The following NCKIPSD variants were observed in gnomAD, a reference collection of about 807,000 sequenced individuals.
NCKIPSD encodes NCK-interacting protein with SH3 domain.
A neutral mutation model predicts 73.4 loss-of-function variants in NCKIPSD; 48 were observed. The ratio of observed to expected loss-of-function variants is 0.65; its 90% CI spans 0.52 to 0.83. NCKIPSD has a LOEUF of 0.83. Among genes scored for constraint, NCKIPSD ranks in the 40% least tolerant of loss-of-function variants. The pLI is 0.00. For synonymous variants in NCKIPSD, 422 were observed against 403.6 expected, an observed-to-expected ratio of 1.05 and a Z score of -0.54; for missense variants, 884 against 970.2, an observed-to-expected ratio of 0.91 and a Z score of 1.18.
In NCKIPSD at chr3:48,674,661, C is replaced by T; in HGVS notation, c.2052G>A (p.Gln684=). Residue 684 remains glutamine (Q), a synonymous_variant, in exon 13 of 13, where the codon CAG becomes CAA. Coordinates refer to ENST00000294129, the MANE Select transcript of NCKIPSD (RefSeq NM_016453.4). The part of the protein sequence containing the change: ...LQHRHRLPDL[Q]AILRRILNEE... ...CATTCAGGATGCGTCGCAGTATGGC[C>T]TGCAGGTCGGGTAGCCGGTGGCGGT... 2 of 1,614,048 alleles carry T rather than the reference C, an allele frequency of 1.2e-6. No homozygotes were observed. Among genetic ancestry groups the T allele is most frequent in the South Asian group, 2.2e-5 (2 of 91,062 alleles).
At chr3:48,675,637 A>C (rs1296406227) in intron 12 of NCKIPSD, among the ~76,000 whole-genome samples, 2 of 150,046 alleles carry the variant, frequency 1.3e-5, no homozygotes, top group East Asian at 3.9e-4. Flanking sequence ...TGACTCCTGG[A>C]TTCAAGTGAT....
chr3:48,674,058 T>G lies in NCKIPSD; in HGVS notation c.*486A>C. The G allele has an allele frequency of 9.3e-7, 1 of 1,073,704 alleles. No individual in the cohort carries two copies. Among genetic ancestry groups the G allele is most frequent in the Non-Finnish European group, 1.1e-6 (1 of 883,954 alleles). 66.5% of individuals were successfully genotyped at this position (1,073,704 alleles called of 1,614,324 possible). A position where few individuals can be genotyped will look rare whatever the true frequency, so the allele number is the denominator to read the frequency against. Reference sequence around the variant, plus strand: ...TGGCCAAGGCCTCTGGGGGTAGGAGTGAAGGGCAGCGACCCCCATGTGCGG... The same window carrying G: ...TGGCCAAGGCCTCTGGGGGTAGGAGGGAAGGGCAGCGACCCCCATGTGCGG... On this transcript the variant is annotated 3_prime_UTR_variant, in exon 13 of 13. Coordinates refer to ENST00000294129, the MANE Select transcript of NCKIPSD (RefSeq NM_016453.4).
chr3:48,682,275 G>A, intron 3 of NCKIPSD, 73 bp downstream of exon 3: 3 of 1,592,992 alleles, frequency 1.9e-6, no homozygotes, highest in South Asian at 1.1e-5. Context: ...ACTCCTGAGT[G>A]GACCCCTTGA....
At position 48,680,201 on chromosome 3, in the gene NCKIPSD, T is replaced by C. The variant is rs1387190483; in HGVS notation, c.1121A>G (p.Gln374Arg). The C allele has an allele frequency of 6.2e-7, 1 of 1,613,156 alleles. No individual in the cohort carries two copies. The highest frequency in any genetic ancestry group is 1.3e-5 in the African/African-American group (1 of 74,930). The change falls in exon 6 of 13, where the codon CAG (glutamine) becomes CGG (arginine). Residue 374 changes from glutamine to arginine, a missense_variant. Gln to Arg is a conservative substitution (Grantham distance 43). Transcript: ENST00000294129. Reference protein sequence around the residue: ...KDLSMALPSGQVCHDQQRLEV... With the variant: ...KDLSMALPSGRVCHDQQRLEV... Reference sequence around the variant, plus strand: ...CAGCCTCTGCTGGTCGTGGCAGACCTGCCCTGAGGGCAGGGCCATGCTGAG... The same window carrying C: ...CAGCCTCTGCTGGTCGTGGCAGACCCGCCCTGAGGGCAGGGCCATGCTGAG...
chr3:48,678,603 G>A lies in NCKIPSD; in HGVS notation c.1926C>T (p.Ile642=). 6.2e-7 allele frequency: 1 copy of A among 1,614,098 alleles called. No individual in the cohort carries two copies. The highest frequency in any genetic ancestry group is 1.3e-5 in the African/African-American group (1 of 75,076). The change falls in exon 12 of 13, where the codon ATC becomes ATT. Residue 642 remains isoleucine, a synonymous_variant. Transcript: ENST00000294129. ...ACAGGTCTGCGATGTGCCGCACAGT[G>A]ATGTCAATGAGAGCCATCATGTCTG... ...YHTDMMALID[I]TVRHIADLSP... is the part of the protein sequence containing the mutation.
At chr3:48,676,072 G>C (rs2106743686) in intron 12 of NCKIPSD, among the ~76,000 whole-genome samples, 1 of 152,304 alleles carries the variant, frequency 6.6e-6, no homozygotes, top group African/African-American at 2.4e-5. Flanking sequence ...AGAGCCATGT[G>C]CAGGCCTGAA....
chr3:48,685,452 C>G (rs2077421885), intron 1 of NCKIPSD, among the ~76,000 whole-genome samples, 185 bp downstream of exon 1: 2 of 151,992 alleles, frequency 1.3e-5, no homozygotes, highest in African/African-American at 4.8e-5. Context: ...GTGGGTGATG[C>G]TGACACTTGG....
Position 48,685,672 on chromosome 3 carries a change from C to T in NCKIPSD, c.136G>A (p.Gly46Ser). 1 of 1,525,908 alleles carries T rather than the reference C, an allele frequency of 6.6e-7. No individual in the cohort carries two copies. Among genetic ancestry groups the T allele is most frequent in the Non-Finnish European group, 8.8e-7 (1 of 1,142,586 alleles). 94.5% of individuals were successfully genotyped at this position (1,525,908 alleles called of 1,614,324 possible). Reference protein sequence around the residue: ...LAARARSGETGYVPPAYLRRL... With the variant: ...LAARARSGETSYVPPAYLRRL... ...CGCAGGTAGGCTGGCGGCACGTAGC[C>T]CGTCTCACCACTGCGCGCCCGCGCG... Residue 46 changes from glycine (G) to serine (S), a missense_variant, in exon 1 of 13, where the codon GGC (glycine) becomes AGC (serine). Transcript: ENST00000294129.
At chr3:48,678,085 A>C (rs1284860263) in intron 12 of NCKIPSD, among the ~76,000 whole-genome samples, 1 of 152,162 alleles carries the variant, frequency 6.6e-6, no homozygotes, top group African/African-American at 2.4e-5. Flanking sequence ...TCAAGTGGCA[A>C]GCCCTGCCAG....
rs2077215858 is a variant in NCKIPSD at position 48,674,173 on chromosome 3, G to A, written c.*371C>T. On this transcript the variant is annotated 3_prime_UTR_variant, in exon 13 of 13. Transcript: ENST00000294129. ...ATGCCTCCCCTCACCCCAGGGGCAT[G>A]GCTTGCTGAGGCCCAGGATACAGAC... is the stretch of plus-strand genomic sequence containing the variant. 5 of 1,175,450 alleles carry A rather than the reference G, an allele frequency of 4.3e-6. No individual in the cohort carries two copies. Among genetic ancestry groups the A allele is most frequent in the Non-Finnish European group, 5.3e-6 (5 of 944,390 alleles). The allele number at this position is 1,175,450 out of a possible 1,614,324, so 72.8% of individuals were successfully genotyped here. A position where few individuals can be genotyped will look rare whatever the true frequency, so the allele number is the denominator to read the frequency against.
chr3:48,678,536 C>A, intron 12 of NCKIPSD, 28 bp downstream of exon 12: 1 of 1,590,630 alleles, frequency 6.3e-7, no homozygotes, highest in Middle Eastern at 2.1e-4. Context: ...ACACAGTGAC[C>A]CCCGCTGCTG....
At chr3:48,682,216 C>G (rs545348956) in intron 3 of NCKIPSD, 60 bp from the exon 4 acceptor site, 1 of 1,566,552 alleles carries the variant, frequency 6.4e-7, no homozygotes, top group Non-Finnish European at 8.6e-7. Flanking sequence ...CAGCGAGGCT[C>G]GGGCCCTGAG....
rs993797518 is a variant in NCKIPSD at position 48,679,466 on chromosome 3, G to A, written c.1490-9C>T. On this transcript the variant is annotated splice_polypyrimidine_tract_variant and intron_variant, in intron 8 of 12. Transcript: ENST00000294129. ...ACAGAGTTTCTGGTGGTCTGGGGGG[G>A]ACAAGGCAGGCAGTCAGAGTCCCCA... The A allele has an allele frequency of 1.2e-6, 2 of 1,609,766 alleles. No homozygotes were observed. The highest frequency in any genetic ancestry group is 1.1e-5 in the South Asian group (1 of 90,656).
intron 1 of NCKIPSD, 42 bp downstream of exon 1, chr3:48,685,595 G>A: frequency 6.7e-7 from 1 of 1,497,430 alleles, no homozygotes; most frequent in Non-Finnish European, 8.8e-7. Flanking sequence ...AAGGGGTCCT[G>A]CCCCAGGGGC....
At chr3:48,684,087 G>A (rs910637420) in intron 1 of NCKIPSD, among the ~76,000 whole-genome samples, 1 of 152,054 alleles carries the variant, frequency 6.6e-6, no homozygotes, top group Non-Finnish European at 1.5e-5. Flanking sequence ...GGCAGACAGA[G>A]GGAAACAACG....
rs773672825 is a variant in NCKIPSD at position 48,673,899 on chromosome 3, C to A, written c.*645G>T. On this transcript the variant is annotated 3_prime_UTR_variant, in exon 13 of 13. Coordinates refer to ENST00000294129, the MANE Select transcript of NCKIPSD (RefSeq NM_016453.4). The stretch of plus-strand genomic sequence containing the variant: ...GAGAGCTACAGCACATAGGAAAATA[C>A]ACATGGCTTTTCAGTCTACATTTTT... 2 of 1,057,580 alleles carry A rather than the reference C, an allele frequency of 1.9e-6. No individual in the cohort carries two copies. The highest frequency in any genetic ancestry group is 1.6e-5 in the African/African-American group (1 of 60,624). The allele number at this position is 1,057,580 out of a possible 1,614,324, so 65.5% of individuals were successfully genotyped here.
intron 12 of NCKIPSD, 83 bp from the exon 13 acceptor site, chr3:48,674,830 C>T (rs959952919): frequency 1.4e-6 from 2 of 1,409,408 alleles, no homozygotes; most frequent in Non-Finnish European, 2.0e-6. Flanking sequence ...CACTGTCCCA[C>T]AGACCCCAGG....
chr3:48,679,788 A>G lies in NCKIPSD; in HGVS notation c.1350+13T>C. Reference sequence around the variant, plus strand: ...GGTCTCTCCATTACCCCTCCCCTCCATCCTGCACATACCATTTGGTAATAG... The same window carrying G: ...GGTCTCTCCATTACCCCTCCCCTCCGTCCTGCACATACCATTTGGTAATAG... On this transcript the variant is annotated intron_variant, in intron 7 of 12. Coordinates refer to ENST00000294129, the MANE Select transcript of NCKIPSD (RefSeq NM_016453.4). 1 of 1,614,080 alleles carries G rather than the reference A, an allele frequency of 6.2e-7. No homozygotes were observed. Among genetic ancestry groups the G allele is most frequent in the African/African-American group, 1.3e-5 (1 of 75,010 alleles).
intron 5 of NCKIPSD, chr3:48,681,080 T>C (rs141282111): frequency 0.011 from 8,086 of 703,274 alleles, 96 homozygotes; most frequent in Middle Eastern, 0.052. Context: ...AGTCCTGCCT[T>C]GTGGCCCTTG....
Sources: gnomAD v4.1 joint callset for allele counts (sites outside exome capture counted in the v4.1 genomes callset) on GRCh38, gnomAD v4.1.1 for gene constraint, MANE v1.5 for transcripts, NCBI Gene and HGNC (gene_info 2026-07-23, HGNC 2026-07-21) for gene names.